IL7: variants seen among roughly 807,000 people sequenced by gnomAD.
IL7 encodes the protein interleukin 7.
Under a neutral mutation model 21.6 loss-of-function variants are expected in IL7, and 3 were observed. That is an observed-to-expected ratio of 0.14 (90% CI 0.06 to 0.36). IL7 has a LOEUF of 0.36. IL7 is among the 10% of genes least tolerant of loss of function. The pLI is 1.00. For synonymous variants in IL7, 62 were observed against 68.1 expected, an observed-to-expected ratio of 0.91 and a Z score of 0.44; for missense variants, 175 against 200.2, an observed-to-expected ratio of 0.87 and a Z score of 0.76.
At chr8:78,687,864 C>G (rs1435577082) in intron 3 of IL7, among the ~76,000 whole-genome samples, 1 of 32,346 alleles carries the variant, frequency 3.1e-5, no homozygotes, top group Non-Finnish European at 1.4e-4. Flanking sequence ...TAATATATAT[C>G]TATATAATAA....
At chr8:78,703,361 A>G (rs940399678) in intron 3 of IL7, among the ~76,000 whole-genome samples, 4 of 152,120 alleles carry the variant, frequency 2.6e-5, no homozygotes, top group Non-Finnish European at 5.9e-5. Context: ...TCTGTCTAAT[A>G]TTGTCAGTGA....
intron 2 of IL7, among the ~76,000 whole-genome samples, chr8:78,783,075 G>A (rs968782523): frequency 5.3e-5 from 8 of 152,280 alleles, no homozygotes; most frequent in African/African-American, 1.9e-4. Flanking sequence ...AGTGATGGTT[G>A]CTGCCCCTTT....
intron 1 of IL7, among the ~76,000 whole-genome samples, chr8:78,801,665 G>T (rs907869852): frequency 7.2e-5 from 11 of 152,192 alleles, no homozygotes; most frequent in Admixed American, 1.3e-4. Flanking sequence ...TCACTTACCT[G>T]ATTTCTAAAA....
At chr8:78,760,603 T>C (rs1426633523) in intron 2 of IL7, 1 of 1,564,204 alleles carries the variant, frequency 6.4e-7, no homozygotes, top group African/African-American at 1.4e-5. Flanking sequence ...TGACTGAGGG[T>C]ACCAGAGATA....
chr8:78,804,670 C>A (rs1814243439), intron 1 of IL7, among the ~76,000 whole-genome samples: 1 of 152,206 alleles, frequency 6.6e-6, no homozygotes, highest in Non-Finnish European at 1.5e-5. Context: ...AGAAAGCAGG[C>A]GTTGGGGACT....
intron 3 of IL7, among the ~76,000 whole-genome samples, chr8:78,739,360 A>G (rs906419017): frequency 9.9e-5 from 15 of 152,218 alleles, no homozygotes; most frequent in African/African-American, 3.4e-4. Flanking sequence ...TTATATTTGT[A>G]TGTGTGCAAG....
intron 2 of IL7, among the ~76,000 whole-genome samples, chr8:78,749,133 T>C (rs1305969652): frequency 1.3e-5 from 2 of 152,152 alleles, no homozygotes; most frequent in Non-Finnish European, 2.9e-5. Context: ...TATTCACTAA[T>C]GCCCAGAGAA....
Position 78,744,514 on chromosome 8 carries a change from G to A in IL7, c.148-4432C>T, listed in dbSNP as rs1811910038. ...TCCCTGGGAACTCTGTCCCAGGTAG[G>A]CACAACACTGCTGCTGGTGGCTGGC... On this transcript the variant is annotated intron_variant, in intron 2 of 5. Coordinates refer to ENST00000263851, the MANE Select transcript of IL7 (RefSeq NM_000880.4). Among the ~76,000 whole-genome samples, 2 of 152,124 alleles carry A rather than the reference G, an allele frequency of 1.3e-5. 1 individual carries two copies. Among genetic ancestry groups the A allele is most frequent in the Non-Finnish European group, 2.9e-5 (2 of 68,028 alleles).
intron 2 of IL7, among the ~76,000 whole-genome samples, chr8:78,790,413 C>T (rs1326356295): frequency 6.6e-6 from 1 of 151,848 alleles, no homozygotes; most frequent in Non-Finnish European, 1.5e-5. Context: ...TTCCAAAGAA[C>T]ATATGTTAAA....
chr8:78,753,619 C>A (rs1262130910), intron 2 of IL7, among the ~76,000 whole-genome samples: 1 of 152,060 alleles, frequency 6.6e-6, no homozygotes, highest in African/African-American at 2.4e-5. Flanking sequence ...GTTGCCATTG[C>A]TTTTGGTGTT....
intron 2 of IL7, among the ~76,000 whole-genome samples, chr8:78,759,058 C>A (rs1025520530): frequency 4.8e-5 from 5 of 104,482 alleles, no homozygotes; most frequent in Admixed American, 3.9e-4. Flanking sequence ...TTCTTTTATT[C>A]CCCCCCCCAC....
downstream of IL7, chr8:78,715,478 G>A: frequency 4.7e-6 from 3 of 641,598 alleles, no homozygotes; most frequent in Non-Finnish European, 7.4e-6. Context: ...CACCTCTAAT[G>A]GATTTGGGCA....
chr8:78,689,441 A>T, intron 3 of IL7: 1 of 1,409,352 alleles, frequency 7.1e-7, no homozygotes, highest in South Asian at 1.7e-5. Flanking sequence ...ATTATTGTTT[A>T]TGCTTTTCAT....
At position 78,733,807 on chromosome 8, in the gene IL7, T is replaced by G; in HGVS notation, c.440A>C (p.Gln147Pro). 2 of 1,578,268 alleles carry G rather than the reference T, an allele frequency of 1.3e-6. No homozygotes were observed. The highest frequency in any genetic ancestry group is 2.7e-5 in the African/African-American group (2 of 73,310). The change falls in exon 6 of 6, where the codon CAG becomes CCG. Residue 147 changes from glutamine (Q) to proline (P), a missense_variant. By Grantham distance (76) the Gln-to-Pro change is moderately conservative. Transcript: ENST00000263851. ...GAAACACAAGTCATTCAGTTTTTTCTGTTCCTTTAAAGATTTATTTTCTTC... is the reference window on the plus strand; with the variant it reads ...GAAACACAAGTCATTCAGTTTTTTCGGTTCCTTTAAAGATTTATTTTCTTC... Reference protein sequence around the residue: ...SLEENKSLKEQKKLNDLCFLK... With the variant: ...SLEENKSLKEPKKLNDLCFLK...
intron 3 of IL7, chr8:78,697,413 C>G: frequency 1.3e-6 from 2 of 1,596,102 alleles, no homozygotes; most frequent in Non-Finnish European, 1.7e-6. Context: ...TTAGTATAAG[C>G]CACCCGCACT....
intron 2 of IL7, among the ~76,000 whole-genome samples, chr8:78,769,646 G>A (rs1586088107): frequency 6.6e-6 from 1 of 152,190 alleles, no homozygotes; most frequent in East Asian, 1.9e-4. Flanking sequence ...TCCCCATCAA[G>A]CTACCAATGA....
chr8:78,798,584 G>A (rs1051317127), intron 1 of IL7, among the ~76,000 whole-genome samples: 5 of 151,998 alleles, frequency 3.3e-5, no homozygotes, highest in South Asian at 2.1e-4. Context: ...GTTACATATT[G>A]TTGGAATTTT....
At chr8:78,790,047 C>T (rs1813634431) in intron 2 of IL7, among the ~76,000 whole-genome samples, 1 of 151,978 alleles carries the variant, frequency 6.6e-6, no homozygotes, top group African/African-American at 2.4e-5. Context: ...AGTGCAAAGA[C>T]AGAAGTTGAA....
intron 4 of IL7, among the ~76,000 whole-genome samples, chr8:78,678,012 A>C (rs759076739): frequency 1.3e-5 from 2 of 152,142 alleles, no homozygotes; most frequent in Non-Finnish European, 2.9e-5. Context: ...GCAAACTGTC[A>C]TGGCGCTGGT....
Sources: allele counts gnomAD v4.1 joint callset (sites outside exome capture counted in the v4.1 genomes callset), GRCh38; gene constraint gnomAD v4.1.1; transcripts MANE v1.5; gene names NCBI Gene and HGNC (gene_info 2026-07-23, HGNC 2026-07-21).